The following NAALADL2 variants were observed in gnomAD, a reference collection of about 807,000 sequenced individuals.
NAALADL2 encodes the protein N-acetylated alpha-linked acidic dipeptidase like 2, also known as inactive N-acetylated-alpha-linked acidic dipeptidase-like protein 2.
In NAALADL2, 76 loss-of-function variants were observed where a neutral mutation model predicts 87.2. The observed-to-expected ratio is 0.87, with a 90% CI of 0.72 to 1.05. NAALADL2 has a LOEUF of 1.05. Among genes scored for constraint, NAALADL2 ranks in the 50% least tolerant of loss-of-function variants. The pLI is 0.00. For missense variants in NAALADL2, 1,089 were observed against 945.8 expected (o/e 1.15, Z -1.99); for synonymous variants, 354 against 331.0 (o/e 1.07, Z -0.75).
At chr3:175,547,831 C>T (rs1384510617) in intron 9 of NAALADL2, among the ~76,000 whole-genome samples, 1 of 151,930 alleles carries the variant, frequency 6.6e-6, no homozygotes, top group Non-Finnish European at 1.5e-5. Flanking sequence ...TAGAGAAATG[C>T]AAATCAAAAC....
intron 4 of NAALADL2, among the ~76,000 whole-genome samples, chr3:175,268,919 G>T (rs551375313): frequency 7.7e-4 from 116 of 150,850 alleles, no homozygotes; most frequent in Non-Finnish European, 1.4e-3. Context: ...CTGACTTGAG[G>T]TTGTTTTACA....
At chr3:175,569,663 C>T (rs78990290) in intron 9 of NAALADL2, among the ~76,000 whole-genome samples, 2,766 of 152,082 alleles carry the variant, frequency 0.018, 80 homozygotes, top group African/African-American at 0.059. Context: ...AAGGATACCA[C>T]GGGAAAACTG....
At chr3:174,991,537 T>A (rs182195197) in intron 1 of NAALADL2, among the ~76,000 whole-genome samples, 23 of 152,220 alleles carry the variant, frequency 1.5e-4, no homozygotes, top group Admixed American at 8.5e-4. Flanking sequence ...TCAAGTACAA[T>A]CAGATGTGTC....
intron 1 of NAALADL2, among the ~76,000 whole-genome samples, chr3:174,925,636 C>T (rs912583463): frequency 6.6e-6 from 1 of 152,054 alleles, no homozygotes; most frequent in African/African-American, 2.4e-5. Flanking sequence ...ATGGGGATGG[C>T]AGCATTGAAT....
At chr3:174,764,282 G>C (rs532174366) in intron 3 of NAALADL2, among the ~76,000 whole-genome samples, 1 of 152,272 alleles carries the variant, frequency 6.6e-6, no homozygotes, top group African/African-American at 2.4e-5. Flanking sequence ...TTTAAGCTAG[G>C]TAACTTTTGT....
chr3:175,225,794 C>T (rs1461479164), intron 2 of NAALADL2, among the ~76,000 whole-genome samples: 1 of 152,008 alleles, frequency 6.6e-6, no homozygotes, highest in African/African-American at 2.4e-5. Context: ...TTGTCCATTC[C>T]GTGAGTCTGC....
chr3:174,744,557 A>G (rs903646985), intron 3 of NAALADL2, among the ~76,000 whole-genome samples: 1 of 152,118 alleles, frequency 6.6e-6, no homozygotes, highest in Non-Finnish European at 1.5e-5. Flanking sequence ...GAAAATTAAC[A>G]AGGATATTCA....
intron 10 of NAALADL2, among the ~76,000 whole-genome samples, chr3:175,621,783 C>T (rs940278200): frequency 2.6e-5 from 4 of 152,016 alleles, no homozygotes; most frequent in Admixed American, 1.3e-4. Flanking sequence ...TATGCAAATA[C>T]TATACCATTT....
chr3:174,713,212 A>G (rs1327733749), intron 2 of NAALADL2, among the ~76,000 whole-genome samples: 1 of 152,236 alleles, frequency 6.6e-6, no homozygotes, highest in African/African-American at 2.4e-5. Flanking sequence ...ATTGACGGAC[A>G]TTTGGGTTGG....
intron 11 of NAALADL2, among the ~76,000 whole-genome samples, chr3:175,646,731 C>T (rs1443544810): frequency 1.3e-5 from 2 of 152,046 alleles, no homozygotes; most frequent in African/African-American, 2.4e-5. Context: ...CACAACTTAC[C>T]TGGTTGCCAG....
intron 5 of NAALADL2, among the ~76,000 whole-genome samples, chr3:175,418,430 G>A (rs1248206202): frequency 6.6e-6 from 1 of 152,116 alleles, no homozygotes; most frequent in African/African-American, 2.4e-5. Context: ...GTAATCTGTG[G>A]TTGTATTCAA....
intron 1 of NAALADL2, among the ~76,000 whole-genome samples, chr3:174,888,025 G>A (rs2109770792): frequency 6.6e-6 from 1 of 152,208 alleles, no homozygotes; most frequent in South Asian, 2.1e-4. Context: ...GATCGCTTTG[G>A]ATACGATTGC....
In NAALADL2 at chr3:174,967,920, C is replaced by T. The variant is rs372395869; in HGVS notation, c.43+108470C>T. Among the ~76,000 whole-genome samples, 198 of 152,234 alleles carry T rather than the reference C, an allele frequency of 1.3e-3. 5 individuals are homozygous for T. In the South Asian group the frequency reaches 0.039, roughly 30 times the overall value. ...ACAGCTGACATACTGACATAAGAAA[C>T]AATTACCCATCTTTAGATGTAACTG... On this transcript the variant is annotated intron_variant, in intron 1 of 13. Transcript: ENST00000454872.
At chr3:174,786,014 G>A (rs1174388083) in intron 3 of NAALADL2, among the ~76,000 whole-genome samples, 1 of 152,100 alleles carries the variant, frequency 6.6e-6, no homozygotes, top group African/African-American at 2.4e-5. Flanking sequence ...TACATGATTA[G>A]CTGTGGCATC....
At chr3:175,270,509 A>G (rs1233293553) in intron 4 of NAALADL2, among the ~76,000 whole-genome samples, 1 of 152,184 alleles carries the variant, frequency 6.6e-6, no homozygotes, top group Non-Finnish European at 1.5e-5. Context: ...TTGCTGTTGA[A>G]TTTGTTCCCA....
chr3:175,616,112 T>C (rs1021481538), intron 10 of NAALADL2, among the ~76,000 whole-genome samples: 1 of 147,458 alleles, frequency 6.8e-6, no homozygotes, highest in Non-Finnish European at 1.5e-5. Context: ...ATATTTATCG[T>C]ATATATCACA....
chr3:175,450,251 A>G (rs1721365548), intron 6 of NAALADL2, among the ~76,000 whole-genome samples: 1 of 152,194 alleles, frequency 6.6e-6, no homozygotes. Flanking sequence ...ATGAAACATG[A>G]AAAGGATACT....
intron 5 of NAALADL2, among the ~76,000 whole-genome samples, chr3:175,434,757 G>C (rs915348050): frequency 6.6e-6 from 1 of 151,996 alleles, no homozygotes; most frequent in African/African-American, 2.4e-5. Flanking sequence ...CTTCAAGTAA[G>C]AGATGGAAAG....
At chr3:174,671,078 G>A (rs958533454) in intron 2 of NAALADL2, among the ~76,000 whole-genome samples, 1 of 152,058 alleles carries the variant, frequency 6.6e-6, no homozygotes, top group Admixed American at 6.6e-5. Context: ...GACCTCCCCA[G>A]AAGCTGAGCA....
Sources: allele counts gnomAD v4.1 joint callset (sites outside exome capture counted in the v4.1 genomes callset), GRCh38; gene constraint gnomAD v4.1.1; transcripts MANE v1.5; gene names NCBI Gene and HGNC (gene_info 2026-07-23, HGNC 2026-07-21).